Variants in KCNH1 observed in about 807,000 individuals in gnomAD.
The protein encoded by KCNH1 is potassium voltage-gated channel subfamily H member 1.
In KCNH1, 27 loss-of-function variants were observed where a neutral mutation model predicts 69.2. The ratio of observed to expected loss-of-function variants is 0.39; its 90% CI spans 0.29 to 0.54. The LOEUF is 0.54. Among genes scored for constraint, KCNH1 ranks in the 20% least tolerant of loss-of-function variants. KCNH1 has a pLI of 0.68. For synonymous variants in KCNH1, 456 were observed against 487.7 expected (o/e 0.93, Z 0.86); for missense variants, 798 against 1,261.6 (o/e 0.63, Z 5.57).
At chr1:210,982,132 G>T (rs867831155) in intron 6 of KCNH1, among the ~76,000 whole-genome samples, 6 of 151,810 alleles carry the variant, frequency 4.0e-5, no homozygotes, top group African/African-American at 4.8e-5. Flanking sequence ...CCTGACTCTT[G>T]TCTTCTCTTT....
chr1:211,003,966 G>A (rs1017784120), intron 6 of KCNH1, among the ~76,000 whole-genome samples: 1 of 151,964 alleles, frequency 6.6e-6, no homozygotes, highest in Non-Finnish European at 1.5e-5. Flanking sequence ...GGTGGTGGGC[G>A]CCTGTAGTCC....
chr1:210,791,121 G>A (rs1055178700), intron 9 of KCNH1, among the ~76,000 whole-genome samples: 2 of 152,194 alleles, frequency 1.3e-5, no homozygotes, highest in Non-Finnish European at 2.9e-5. Flanking sequence ...TCACTGGGAA[G>A]TTGACCCTAC....
intron 7 of KCNH1, among the ~76,000 whole-genome samples, chr1:210,892,050 T>G (rs80016581): frequency 6.6e-6 from 1 of 151,958 alleles, no homozygotes; most frequent in Non-Finnish European, 1.5e-5. Context: ...CATCACACAC[T>G]GGGGCCTGTC....
At position 211,072,435 on chromosome 1, in the gene KCNH1, G is replaced by C. The variant is rs141420474; in HGVS notation, c.558+10345C>G. On this transcript the variant is annotated intron_variant, in intron 5 of 10. Coordinates refer to ENST00000271751, the MANE Select transcript of KCNH1 (RefSeq NM_172362.3). The stretch of plus-strand genomic sequence containing the variant: ...GTACATCAAGAAACAAACAGCATCA[G>C]AGAAGGAATAAGTGAAGGTAAAATG... Among the ~76,000 whole-genome samples, 101 of 152,234 alleles carry C rather than the reference G, an allele frequency of 6.6e-4. 2 individuals carry two copies. The East Asian group carries it at 0.018, about 27-fold the overall frequency.
chr1:210,835,738 T>C (rs1685266768), intron 7 of KCNH1, among the ~76,000 whole-genome samples: 1 of 152,118 alleles, frequency 6.6e-6, no homozygotes, highest in African/African-American at 2.4e-5. Flanking sequence ...TTATTCCTAA[T>C]TTATTTAGAG....
chr1:210,858,823 T>C (rs1440106752), intron 7 of KCNH1: 2 of 208,670 alleles, frequency 9.6e-6, no homozygotes, highest in Non-Finnish European at 2.0e-5. Context: ...TGCCTATTTT[T>C]TCCTCAGAAA....
chr1:210,868,405 C>A (rs540525541), intron 7 of KCNH1, among the ~76,000 whole-genome samples: 1 of 139,606 alleles, frequency 7.2e-6, no homozygotes, highest in East Asian at 2.1e-4. Context: ...TTAATAGTGC[C>A]TTTGATAAAG....
At chr1:210,874,424 G>A (rs191597172) in intron 7 of KCNH1, among the ~76,000 whole-genome samples, 7 of 152,340 alleles carry the variant, frequency 4.6e-5, no homozygotes, top group African/African-American at 7.2e-5. Context: ...AATATAAGAA[G>A]TGGCCAATAT....
chr1:211,044,119 G>A (rs568556429), intron 5 of KCNH1, among the ~76,000 whole-genome samples: 1 of 152,234 alleles, frequency 6.6e-6, no homozygotes, highest in East Asian at 1.9e-4. Flanking sequence ...AGAAACAAAG[G>A]GCATCCAAAT....
chr1:211,062,945 C>T (rs1467473848), intron 5 of KCNH1, among the ~76,000 whole-genome samples: 1 of 152,206 alleles, frequency 6.6e-6, no homozygotes, highest in Non-Finnish European at 1.5e-5. Context: ...ATCCAGCAAT[C>T]CCACCTGCTA....
chr1:210,894,016 T>C (rs1437723063), intron 7 of KCNH1, among the ~76,000 whole-genome samples: 3 of 152,190 alleles, frequency 2.0e-5, no homozygotes, highest in Non-Finnish European at 4.4e-5. Flanking sequence ...ATAACTAATG[T>C]CTTTGCCTAC....
intron 6 of KCNH1, among the ~76,000 whole-genome samples, chr1:210,984,204 T>A (rs988839016): frequency 5.9e-5 from 9 of 152,204 alleles, no homozygotes; most frequent in Non-Finnish European, 1.0e-4. Flanking sequence ...AGATATACAA[T>A]CATGTCATCT....
At chr1:210,999,277 AAAG>A (rs1211988544) in intron 6 of KCNH1, among the ~76,000 whole-genome samples, 2 of 152,222 alleles carry the variant, frequency 1.3e-5, no homozygotes, top group African/African-American at 4.8e-5. Context: ...CAAGACTAAT[AAAG>A]AAGAAAAGGG....
intron 5 of KCNH1, among the ~76,000 whole-genome samples, chr1:211,026,046 T>G (rs1262524800): frequency 6.6e-6 from 1 of 152,142 alleles, no homozygotes; most frequent in Non-Finnish European, 1.5e-5. Flanking sequence ...TTCTCATTCC[T>G]TTGACTCTGC....
chr1:210,820,425 G>T (rs1363745285), intron 7 of KCNH1, among the ~76,000 whole-genome samples: 2 of 152,056 alleles, frequency 1.3e-5, no homozygotes, highest in African/African-American at 4.8e-5. Context: ...CATGAGGTCA[G>T]GAGTTCAAGA....
chr1:210,826,301 C>G (rs916589606), intron 7 of KCNH1, among the ~76,000 whole-genome samples: 5 of 152,050 alleles, frequency 3.3e-5, no homozygotes, highest in Admixed American at 6.6e-5. Context: ...CTTCTTTCTA[C>G]TTGCAACAAT....
chr1:211,073,572 A>C (rs771477733), intron 5 of KCNH1, among the ~76,000 whole-genome samples: 1 of 152,218 alleles, frequency 6.6e-6, no homozygotes, highest in African/African-American at 2.4e-5. Context: ...AACAGCTAGA[A>C]AATCCAAAAA....
intron 1 of KCNH1, among the ~76,000 whole-genome samples, chr1:211,129,582 G>A (rs763862666): frequency 5.3e-5 from 8 of 152,172 alleles, no homozygotes; most frequent in Non-Finnish European, 1.0e-4. Context: ...CTGAGCCTTG[G>A]CTGAAGATTG....
At chr1:211,072,516 A>G (rs545024062) in intron 5 of KCNH1, among the ~76,000 whole-genome samples, 1 of 152,346 alleles carries the variant, frequency 6.6e-6, no homozygotes, top group African/African-American at 2.4e-5. Flanking sequence ...TCAATGAAAA[A>G]TAACATGTAT....
Sources: allele counts gnomAD v4.1 joint callset (sites outside exome capture counted in the v4.1 genomes callset), GRCh38; gene constraint gnomAD v4.1.1; transcripts MANE v1.5; gene names NCBI Gene and HGNC (gene_info 2026-07-23, HGNC 2026-07-21).